The following CARNMT1 variants were observed in gnomAD, a reference collection of about 807,000 sequenced individuals.
CARNMT1 encodes carnosine N-methyltransferase 1.
Under a neutral mutation model 49.6 loss-of-function variants are expected in CARNMT1, and 28 were observed. That is an observed-to-expected ratio of 0.56 (90% CI 0.42 to 0.77). CARNMT1 has a LOEUF of 0.77. CARNMT1 is among the 30% of genes least tolerant of loss of function. CARNMT1 has a pLI of 0.00. For synonymous variants in CARNMT1, 178 were observed against 175.0 expected (o/e 1.02, Z -0.13); for missense variants, 421 against 512.6 (o/e 0.82, Z 1.73).
chr9:74,992,631 T>C (rs1448494698), intron 6 of CARNMT1, among the ~76,000 whole-genome samples: 7 of 152,218 alleles, frequency 4.6e-5, no homozygotes, highest in Non-Finnish European at 1.5e-5. Flanking sequence ...AAAGGACATA[T>C]GCATAATAGT....
chr9:74,990,903 G>A (rs1206563669), intron 6 of CARNMT1, among the ~76,000 whole-genome samples: 1 of 150,960 alleles, frequency 6.6e-6, no homozygotes, highest in Non-Finnish European at 1.5e-5. Flanking sequence ...AAGATTGTTT[G>A]ACTGGATAGT....
chr9:74,984,035 T>C (rs1832754292), intron 7 of CARNMT1, among the ~76,000 whole-genome samples, 167 bp from the exon 8 acceptor site: 1 of 152,184 alleles, frequency 6.6e-6, no homozygotes, highest in African/African-American at 2.4e-5. Context: ...AGTCTCACTT[T>C]ACAAAGAACA....
At chr9:75,027,590 G>GAA (rs1370494160) in intron 1 of CARNMT1, 1 of 402,614 alleles carries the variant, frequency 2.5e-6, no homozygotes, top group Non-Finnish European at 3.4e-6. Flanking sequence ...ACGCGTAGGT[G>GAA]AACTTGGGCT....
chr9:75,003,436 A>G (rs1381518656), intron 3 of CARNMT1, among the ~76,000 whole-genome samples: 3 of 152,170 alleles, frequency 2.0e-5, no homozygotes, highest in African/African-American at 7.2e-5. Flanking sequence ...AGCCATACTC[A>G]CTCATCTAAG....
chr9:74,984,291 C>G (rs1051316976), intron 7 of CARNMT1, among the ~76,000 whole-genome samples: 1 of 152,126 alleles, frequency 6.6e-6, no homozygotes, highest in Non-Finnish European at 1.5e-5. Context: ...TACACCTGCC[C>G]TCCGACCCCC....
chr9:75,007,794 C>T (rs1000905751), intron 3 of CARNMT1, among the ~76,000 whole-genome samples: 6 of 146,500 alleles, frequency 4.1e-5, no homozygotes, highest in Non-Finnish European at 6.0e-5. Context: ...AGGGTATTTA[C>T]GAAAGTCCCA....
intron 3 of CARNMT1, chr9:75,009,935 C>A (rs1047081083): frequency 3.3e-5 from 5 of 151,856 alleles, no homozygotes; most frequent in African/African-American, 1.2e-4. Context: ...ATGAAAAGTA[C>A]GTTAAAGCAC....
At chr9:74,988,237 G>T (rs1159383465) in intron 6 of CARNMT1, among the ~76,000 whole-genome samples, 1 of 151,846 alleles carries the variant, frequency 6.6e-6, no homozygotes, top group Non-Finnish European at 1.5e-5. Flanking sequence ...TCTTTTAGTG[G>T]CCATAACAGA....
intron 3 of CARNMT1, among the ~76,000 whole-genome samples, chr9:75,012,816 G>A (rs987509099): frequency 2.6e-5 from 4 of 151,732 alleles, no homozygotes; most frequent in Admixed American, 2.6e-4. Context: ...TACTCGGGAG[G>A]CTGAGGCAGC....
intron 3 of CARNMT1, among the ~76,000 whole-genome samples, chr9:75,009,082 A>C (rs1833608104): frequency 7.0e-6 from 1 of 142,852 alleles, no homozygotes; most frequent in Admixed American, 7.0e-5. Context: ...TTTTTTTTTT[A>C]ACAAATGTAT....
In CARNMT1 at chr9:75,016,845, C is replaced by A. The variant is rs963260712; in HGVS notation, c.426+408G>T. The A allele has an allele frequency of 1.5e-5, 4 of 261,200 alleles. No homozygotes were observed. The South Asian group carries it at 4.9e-4, about 32-fold the overall frequency. 16.2% of individuals were successfully genotyped at this position (261,200 alleles called of 1,614,324 possible). A position where few individuals can be genotyped will look rare whatever the true frequency, so the allele number is the denominator to read the frequency against. On this transcript the variant is annotated intron_variant, in intron 2 of 7. Transcript: ENST00000376834. ...AGAGGACTTCAGTTTCTATGTACTG[C>A]CAGTCCCTTGAGATTTATAAGTGAA...
intron 3 of CARNMT1, chr9:75,009,702 T>G (rs1047386442): frequency 6.6e-6 from 1 of 151,704 alleles, no homozygotes. Flanking sequence ...CCCAGCCCAC[T>G]AGTGGCCTAA....
In CARNMT1 at chr9:74,998,758, T is replaced by A. The variant is rs1319154295; in HGVS notation, c.750A>T (p.Lys250Asn). 6.5e-7 allele frequency: 1 copy of A among 1,529,128 alleles called. No homozygotes were observed. Among genetic ancestry groups the A allele is most frequent in the Non-Finnish European group, 8.8e-7 (1 of 1,134,612 alleles). 94.7% of individuals were successfully genotyped at this position (1,529,128 alleles called of 1,614,324 possible). The change falls in exon 5 of 8, where the codon AAA becomes AAT. Residue 250 changes from lysine (K) to asparagine (N), a missense_variant. By Grantham distance (94) the Lys-to-Asn change is moderately conservative (BLOSUM62 0). Coordinates refer to ENST00000376834, the MANE Select transcript of CARNMT1 (RefSeq NM_152420.3). ...FVLNRCSEIN[K>N]YKLYPWIHQF... is the part of the protein sequence containing the mutation. ...GATGGATCCAAGGATAAAGTTTATA[T>A]TTATTAATTTCAGAACATCTGCAAA...
At chr9:75,000,732 T>G (rs528287173) in intron 3 of CARNMT1, among the ~76,000 whole-genome samples, 1 of 152,338 alleles carries the variant, frequency 6.6e-6, no homozygotes, top group South Asian at 2.1e-4. Context: ...TTCCTAAATT[T>G]GGTTCACAAA....
intron 7 of CARNMT1, among the ~76,000 whole-genome samples, chr9:74,984,295 G>A (rs574778136): frequency 2.0e-5 from 3 of 152,112 alleles, no homozygotes; most frequent in Non-Finnish European, 2.9e-5. Flanking sequence ...CCTGCCCTCC[G>A]ACCCCCTTTT....
chr9:75,013,524 G>A (rs986399340), intron 3 of CARNMT1, among the ~76,000 whole-genome samples: 1 of 151,922 alleles, frequency 6.6e-6, no homozygotes, highest in African/African-American at 2.4e-5. Flanking sequence ...GAGAAAGTTG[G>A]TTGAATAAAC....
intron 1 of CARNMT1, among the ~76,000 whole-genome samples, chr9:75,022,732 C>T (rs1178955641): frequency 6.6e-6 from 1 of 152,186 alleles, no homozygotes; most frequent in Non-Finnish European, 1.5e-5. Context: ...CAACTTCCCT[C>T]TCACCATACT....
At chr9:74,984,537 T>G (rs968874681) in intron 7 of CARNMT1, among the ~76,000 whole-genome samples, 3 of 152,188 alleles carry the variant, frequency 2.0e-5, no homozygotes, top group African/African-American at 7.2e-5. Flanking sequence ...GCCTACATAA[T>G]GCCACAAGTG....
intron 6 of CARNMT1, among the ~76,000 whole-genome samples, chr9:74,989,169 T>C (rs1832943057): frequency 6.6e-6 from 1 of 152,196 alleles, no homozygotes; most frequent in South Asian, 2.1e-4. Flanking sequence ...TGAAGTACAA[T>C]GGCATAGGCA....
Sources: allele counts gnomAD v4.1 joint callset (sites outside exome capture counted in the v4.1 genomes callset), GRCh38; gene constraint gnomAD v4.1.1; transcripts MANE v1.5; gene names NCBI Gene and HGNC (gene_info 2026-07-23, HGNC 2026-07-21).